The following NKAIN2 variants were observed in gnomAD, a reference collection of about 807,000 sequenced individuals.
NKAIN2 encodes the protein sodium/potassium transporting ATPase interacting 2.
NKAIN2 carries 14 observed loss-of-function variants against 32.6 expected under a neutral mutation model. The ratio of observed to expected loss-of-function variants is 0.43; its 90% CI spans 0.28 to 0.67. NKAIN2 has a LOEUF of 0.67. Among genes scored for constraint, NKAIN2 ranks in the 30% least tolerant of loss-of-function variants. NKAIN2 has a pLI of 0.17. For synonymous variants in NKAIN2, 80 were observed against 87.2 expected, an observed-to-expected ratio of 0.92 and a Z score of 0.46; for missense variants, 198 against 258.3, an observed-to-expected ratio of 0.77 and a Z score of 1.60.
rs1284737878 is a variant in NKAIN2, at chr6:124,609,537, A to G, written c.274-48649A>G. 2.0e-5 allele frequency among the ~76,000 whole-genome samples: 3 copies of G among 152,190 alleles called. No individual in the cohort carries two copies. In the East Asian group the frequency reaches 5.8e-4, roughly 29 times the overall value. ...TAAAAAAGTATCAGAAAAACTCGGC[A>G]TGGGGGATGAGAGTAACGAGTGAAG... On this transcript the variant is annotated intron_variant, in intron 3 of 6. Coordinates refer to ENST00000368417, the MANE Select transcript of NKAIN2 (RefSeq NM_001040214.3).
chr6:124,722,094 C>T (rs533283750), intron 4 of NKAIN2, among the ~76,000 whole-genome samples: 2 of 152,304 alleles, frequency 1.3e-5, no homozygotes, highest in South Asian at 4.1e-4. Flanking sequence ...TTGTGACTGG[C>T]TTACTTCACT....
intron 3 of NKAIN2, among the ~76,000 whole-genome samples, chr6:124,385,803 G>T (rs1450513087): frequency 6.6e-6 from 1 of 151,908 alleles, no homozygotes; most frequent in Non-Finnish European, 1.5e-5. Context: ...ACATATTTAT[G>T]GAGTTCTTGC....
intron 1 of NKAIN2, among the ~76,000 whole-genome samples, chr6:124,222,306 T>C (rs767303377): frequency 3.9e-5 from 6 of 152,150 alleles, no homozygotes; most frequent in Non-Finnish European, 8.8e-5. Flanking sequence ...ATGAACAAAC[T>C]AAAATGTATT....
intron 1 of NKAIN2, among the ~76,000 whole-genome samples, chr6:124,070,310 G>A (rs1266086288): frequency 6.6e-6 from 1 of 152,196 alleles, no homozygotes; most frequent in African/African-American, 2.4e-5. Context: ...AAGAGGCACA[G>A]GCTGTGTGTA....
chr6:124,311,198 T>A (rs1796696938), intron 2 of NKAIN2, among the ~76,000 whole-genome samples: 1 of 152,032 alleles, frequency 6.6e-6, no homozygotes, highest in South Asian at 2.1e-4. Context: ...GTGACCCCCA[T>A]CCTCAGTCCA....
chr6:124,219,370 T>A (rs1056673545), intron 1 of NKAIN2, among the ~76,000 whole-genome samples: 3 of 151,334 alleles, frequency 2.0e-5, no homozygotes, highest in Non-Finnish European at 4.4e-5. Flanking sequence ...CTCCGCCTCC[T>A]GGGTTTAAGT....
Position 124,106,357 on chromosome 6 carries a change from A to AT in NKAIN2, c.55-176641dup, listed in dbSNP as rs534724823. On this transcript the variant is annotated intron_variant, in intron 1 of 6. Transcript: ENST00000368417. ...AATGTTTGTTCTTTAAGAGTTTATG[A>AT]TTTTTTTGTTATTACTGTTAGGGAA... 1.1e-4 allele frequency among the ~76,000 whole-genome samples: 17 copies of AT among 152,162 alleles called. No individual in the cohort carries two copies. In the East Asian group the frequency reaches 1.9e-3, roughly 17 times the overall value.
chr6:124,095,070 T>C (rs1014631215), intron 1 of NKAIN2, among the ~76,000 whole-genome samples: 7 of 152,158 alleles, frequency 4.6e-5, no homozygotes, highest in Admixed American at 6.5e-5. Context: ...GTGAAGAATT[T>C]AGAAATTCTT....
chr6:123,835,453 T>G (rs1451840552), intron 1 of NKAIN2, among the ~76,000 whole-genome samples: 1 of 152,214 alleles, frequency 6.6e-6, no homozygotes, highest in East Asian at 1.9e-4. Flanking sequence ...TAAGTAAAGG[T>G]TATTTATGTT....
intron 1 of NKAIN2, among the ~76,000 whole-genome samples, chr6:123,845,918 CT>C (rs1290000382): frequency 6.6e-5 from 10 of 152,100 alleles, no homozygotes; most frequent in Admixed American, 3.9e-4. Context: ...AATTACTTCC[CT>C]TTTTTTCTTC....
chr6:123,923,144 C>CAA lies in NKAIN2; in HGVS notation c.54+118897_54+118898dup, dbSNP rs538711563. On this transcript the variant is annotated intron_variant, in intron 1 of 6. Transcript: ENST00000368417. ...ATTACCAAAAAAAACAAAAAAAAGACAAAAAAAACCCACAAACACCTAAAA... is the reference window on the plus strand; with the variant it reads ...ATTACCAAAAAAAACAAAAAAAAGACAAAAAAAAAACCCACAAACACCTAAAA... Among the ~76,000 whole-genome samples the CAA allele has an allele frequency of 1.7e-3, 251 of 151,092 alleles. 2 individuals carry two copies. Among genetic ancestry groups the CAA allele is most frequent in the African/African-American group, 5.9e-3 (244 of 41,080 alleles).
intron 2 of NKAIN2, among the ~76,000 whole-genome samples, chr6:124,284,493 A>G (rs1341991196): frequency 2.0e-5 from 3 of 152,142 alleles, no homozygotes; most frequent in Non-Finnish European, 4.4e-5. Context: ...ATATGAAAAA[A>G]ATTTAACTTA....
chr6:124,060,209 A>G (rs572205322), intron 1 of NKAIN2, among the ~76,000 whole-genome samples: 13 of 152,228 alleles, frequency 8.5e-5, no homozygotes, highest in African/African-American at 3.1e-4. Flanking sequence ...TGGCTTTCAG[A>G]GACACCTTGA....
At chr6:124,075,657 G>A (rs929947718) in intron 1 of NKAIN2, among the ~76,000 whole-genome samples, 2 of 152,050 alleles carry the variant, frequency 1.3e-5, no homozygotes, top group Non-Finnish European at 2.9e-5. Flanking sequence ...ATGCAGTGGC[G>A]TAATCTCAGC....
intron 1 of NKAIN2, among the ~76,000 whole-genome samples, chr6:123,858,477 C>T (rs928269883): frequency 2.6e-5 from 4 of 151,988 alleles, no homozygotes; most frequent in African/African-American, 9.7e-5. Context: ...GAGGGAGAGA[C>T]TATATAGGGG....
chr6:124,432,488 G>A (rs1775260645), intron 3 of NKAIN2, among the ~76,000 whole-genome samples: 1 of 152,066 alleles, frequency 6.6e-6, no homozygotes, highest in Admixed American at 6.5e-5. Context: ...GCGCCTATAA[G>A]TCACAGCTTC....
intron 1 of NKAIN2, among the ~76,000 whole-genome samples, chr6:124,277,797 A>G (rs1031779878): frequency 1.2e-4 from 18 of 152,106 alleles, no homozygotes; most frequent in African/African-American, 4.1e-4. Context: ...GAACAGGGAT[A>G]TCCATAGATA....
At chr6:124,219,600 C>T (rs556445244) in intron 1 of NKAIN2, among the ~76,000 whole-genome samples, 9 of 151,944 alleles carry the variant, frequency 5.9e-5, no homozygotes, top group Admixed American at 1.3e-4. Flanking sequence ...ATACGAGTTA[C>T]GATTCAAGAA....
intron 1 of NKAIN2, among the ~76,000 whole-genome samples, chr6:123,889,122 A>G (rs2114364298): frequency 6.6e-6 from 1 of 152,270 alleles, no homozygotes; most frequent in African/African-American, 2.4e-5. Flanking sequence ...CCTGTGTATC[A>G]TAAATCCAAA....
Sources: allele counts gnomAD v4.1 joint callset (sites outside exome capture counted in the v4.1 genomes callset), GRCh38; gene constraint gnomAD v4.1.1; transcripts MANE v1.5; gene names NCBI Gene and HGNC (gene_info 2026-07-23, HGNC 2026-07-21).